GPHN: variants seen among roughly 807,000 people sequenced by gnomAD.
GPHN encodes the protein gephyrin.
Under a neutral mutation model 95.5 loss-of-function variants are expected in GPHN, and 17 were observed. The ratio of observed to expected loss-of-function variants is 0.18; its 90% CI spans 0.12 to 0.27. The LOEUF (loss-of-function observed/expected upper bound fraction) is 0.27. GPHN is among the 10% of genes least tolerant of loss of function. The pLI is 1.00. For missense variants in GPHN, 660 were observed against 978.1 expected (o/e 0.67, Z 4.34); for synonymous variants, 320 against 322.5 (o/e 0.99, Z 0.08).
At chr14:67,309,624 G>T in the GPHN span, among the ~76,000 whole-genome samples, 1 of 152,126 alleles carries the variant, frequency 6.6e-6, no homozygotes, top group Admixed American at 6.5e-5. Flanking sequence ...GCATCTCTGG[G>T]TGATTTTGTT....
intron 1 of GPHN, among the ~76,000 whole-genome samples, chr14:66,623,313 CAT>C (rs1301196674): frequency 4.6e-5 from 7 of 152,132 alleles, no homozygotes; most frequent in Non-Finnish European, 8.8e-5. Context: ...CCTCCCAAGA[CAT>C]GTGGGAATTG....
intron 2 of GPHN, among the ~76,000 whole-genome samples, chr14:66,686,441 A>G (rs974286620): frequency 4.6e-5 from 7 of 152,186 alleles, no homozygotes; most frequent in Non-Finnish European, 1.0e-4. Context: ...AGTGGTTTGT[A>G]GTTCTCCTTG....
At chr14:67,679,624 G>A in the GPHN span, among the ~76,000 whole-genome samples, 7 of 152,166 alleles carry the variant, frequency 4.6e-5, no homozygotes, top group South Asian at 2.1e-4. Flanking sequence ...GGCTGGTCTC[G>A]AACTCCTGAC....
chr14:66,695,582 A>C (rs942248828), intron 2 of GPHN, among the ~76,000 whole-genome samples: 1 of 152,226 alleles, frequency 6.6e-6, no homozygotes, highest in Non-Finnish European at 1.5e-5. Flanking sequence ...AACTTTATAA[A>C]TGACAAAACT....
intron 1 of GPHN, among the ~76,000 whole-genome samples, chr14:66,545,731 G>T (rs1446759287): frequency 2.8e-5 from 4 of 141,732 alleles, no homozygotes; most frequent in East Asian, 2.3e-4. Flanking sequence ...TGGCCGGGCG[G>T]GGGGCTGACC....
the GPHN span, chr14:67,695,617 C>G: frequency 6.2e-7 from 1 of 1,612,060 alleles, no homozygotes; most frequent in Non-Finnish European, 8.5e-7. Flanking sequence ...GAAGGCAATA[C>G]ATTTGCACAG....
intron 5 of GPHN, among the ~76,000 whole-genome samples, chr14:66,897,581 A>G (rs938659216): frequency 3.3e-5 from 5 of 152,122 alleles, no homozygotes; most frequent in African/African-American, 7.2e-5. Flanking sequence ...TTAGAACCAT[A>G]CAGTATGTAG....
chr14:67,308,795 T>C, the GPHN span, among the ~76,000 whole-genome samples: 1 of 152,138 alleles, frequency 6.6e-6, no homozygotes, highest in Non-Finnish European at 1.5e-5. Context: ...ATATTGTATA[T>C]ATATGTACTA....
the GPHN span, chr14:67,320,124 A>C: frequency 4.2e-6 from 4 of 962,432 alleles, no homozygotes; most frequent in Non-Finnish European, 6.0e-6. Context: ...ATGTAATGAC[A>C]ATAAATTGTG....
At chr14:67,534,115 C>A in the GPHN span, among the ~76,000 whole-genome samples, 16 of 152,292 alleles carry the variant, frequency 1.1e-4, no homozygotes, top group Middle Eastern at 6.8e-3. Flanking sequence ...TTAAAAAATT[C>A]AGTGGGAGAA....
At chr14:67,258,712 A>G in the GPHN span, among the ~76,000 whole-genome samples, 1 of 149,178 alleles carries the variant, frequency 6.7e-6, no homozygotes, top group African/African-American at 2.5e-5. Context: ...ATGAGCCACT[A>G]TGCCCAGCCT....
the GPHN span, among the ~76,000 whole-genome samples, chr14:67,331,083 C>T: frequency 9.2e-4 from 140 of 151,610 alleles, 1 homozygote; most frequent in African/African-American, 3.0e-3. Context: ...CTCACTCTGT[C>T]GCCCAGGCTG....
chr14:67,493,160 A>T, the GPHN span, among the ~76,000 whole-genome samples: 2 of 152,246 alleles, frequency 1.3e-5, no homozygotes, highest in African/African-American at 4.8e-5. Context: ...CAGCAAGGCC[A>T]GAGTAGCTGG....
intron 9 of GPHN, among the ~76,000 whole-genome samples, chr14:67,012,365 T>C (rs1400692848): frequency 6.6e-6 from 1 of 152,216 alleles, no homozygotes; most frequent in Non-Finnish European, 1.5e-5. Context: ...TTTTAAGAGA[T>C]GCCTTCATTG....
At chr14:67,267,392 G>C in the GPHN span, among the ~76,000 whole-genome samples, 2 of 151,942 alleles carry the variant, frequency 1.3e-5, no homozygotes, top group African/African-American at 4.8e-5. Flanking sequence ...CCAAGTAGCT[G>C]GGATTACAGG....
Position 66,508,426 on chromosome 14 carries a change from C to A in GPHN, c.-102C>A. ...CCGCTCTCCTCGCGCTTCTCTGGCTCCCTAGCTGTCGCGCTCTCCTCGGCG... is the reference window on the plus strand; with the variant it reads ...CCGCTCTCCTCGCGCTTCTCTGGCTACCTAGCTGTCGCGCTCTCCTCGGCG... On this transcript the variant is annotated 5_prime_UTR_variant, in exon 1 of 23. Transcript: ENST00000478722. The A allele has an allele frequency of 4.9e-6, 5 of 1,011,786 alleles. No homozygotes were observed. In the Admixed American group the frequency reaches 5.1e-5, roughly 10 times the overall value. The allele number at this position is 1,011,786 out of a possible 1,614,324, so 62.7% of individuals were successfully genotyped here.
intron 9 of GPHN, among the ~76,000 whole-genome samples, chr14:67,000,942 A>G (rs1050594543): frequency 1.3e-5 from 2 of 151,628 alleles, no homozygotes; most frequent in African/African-American, 4.8e-5. Context: ...AAAACACACT[A>G]TTGTAGTTGG....
chr14:67,281,852 A>G, the GPHN span, among the ~76,000 whole-genome samples: 1 of 150,188 alleles, frequency 6.7e-6, no homozygotes, highest in Non-Finnish European at 1.5e-5. Context: ...TGAATGTTCT[A>G]TTGCTGACTT....
the GPHN span, among the ~76,000 whole-genome samples, chr14:67,257,254 A>G: frequency 6.6e-6 from 1 of 152,174 alleles, no homozygotes; most frequent in African/African-American, 2.4e-5. Flanking sequence ...AGAGGAAGCA[A>G]TCAGATATGC....
Sources: gnomAD v4.1 joint callset for allele counts (sites outside exome capture counted in the v4.1 genomes callset) on GRCh38, gnomAD v4.1.1 for gene constraint, MANE v1.5 for transcripts, NCBI Gene and HGNC (gene_info 2026-07-23, HGNC 2026-07-21) for gene names.